The following SLC5A4 variants were observed in gnomAD, a reference collection of about 807,000 sequenced individuals.
SLC5A4 encodes the protein solute carrier family 5 member 4, also known as probable glucose sensor protein SLC5A4.
SLC5A4 carries 55 observed loss-of-function variants against 70.3 expected under a neutral mutation model. The observed-to-expected ratio is 0.78, with a 90% confidence interval of 0.63 to 0.98. The LOEUF is 0.98. SLC5A4 is among the 50% of genes least tolerant of loss of function. SLC5A4 has a pLI of 0.00. For missense variants in SLC5A4, 735 were observed against 839.2 expected (o/e 0.88, Z 1.53); for synonymous variants, 268 against 305.7 (o/e 0.88, Z 1.29).
At chr22:32,255,434 C>T (rs1927429699), upstream of SLC5A4, 2 of 1,273,762 alleles carry the variant, frequency 1.6e-6, no homozygotes, top group Non-Finnish European at 2.2e-6. Context: ...AGAGCCAGCT[C>T]CTGGATATGG....
chr22:32,325,959 G>A, the SLC5A4 span, among the ~76,000 whole-genome samples: 1 of 152,258 alleles, frequency 6.6e-6, no homozygotes, highest in Non-Finnish European at 1.5e-5. Context: ...GAGAGGAGCT[G>A]AGCCTGGAAT....
the SLC5A4 span, among the ~76,000 whole-genome samples, chr22:32,300,321 C>T: frequency 2.0e-5 from 3 of 150,522 alleles, no homozygotes; most frequent in Admixed American, 6.6e-5. Flanking sequence ...ACTCCGTGGG[C>T]GTAGGACCCT....
At chr22:32,307,258 G>T in the SLC5A4 span, among the ~76,000 whole-genome samples, 2 of 152,154 alleles carry the variant, frequency 1.3e-5, no homozygotes, top group Non-Finnish European at 2.9e-5. Context: ...TTTAGGTACA[G>T]AGTAACTAAT....
At chr22:32,322,827 A>G in the SLC5A4 span, among the ~76,000 whole-genome samples, 1 of 152,188 alleles carries the variant, frequency 6.6e-6, no homozygotes, top group Non-Finnish European at 1.5e-5. Flanking sequence ...ATAGAAATAT[A>G]TGTACCAAAA....
At chr22:32,316,656 A>C in the SLC5A4 span, among the ~76,000 whole-genome samples, 1 of 151,742 alleles carries the variant, frequency 6.6e-6, no homozygotes, top group Non-Finnish European at 1.5e-5. Context: ...CAGCCTCCTG[A>C]GTAGCTGGGA....
chr22:32,337,480 G>A, the SLC5A4 span, among the ~76,000 whole-genome samples: 1 of 152,168 alleles, frequency 6.6e-6, no homozygotes. Flanking sequence ...GTTGCAGTGA[G>A]CTGAGATCGC....
At chr22:32,328,492 T>C in the SLC5A4 span, among the ~76,000 whole-genome samples, 9 of 152,300 alleles carry the variant, frequency 5.9e-5, no homozygotes, top group East Asian at 1.2e-3. Flanking sequence ...TCAGCTGTCA[T>C]GCCATGAGCT....
chr22:32,220,522 C>T (rs192330386), intron 14 of SLC5A4, among the ~76,000 whole-genome samples: 3 of 152,022 alleles, frequency 2.0e-5, no homozygotes, highest in Non-Finnish European at 4.4e-5. Flanking sequence ...GGGAGCTTGG[C>T]GCATGTGGAA....
At chr22:32,329,411 G>C in the SLC5A4 span, among the ~76,000 whole-genome samples, 2 of 152,168 alleles carry the variant, frequency 1.3e-5, no homozygotes, top group Admixed American at 1.3e-4. Context: ...TCACAGCGGG[G>C]CCGCGGACAT....
the SLC5A4 span, among the ~76,000 whole-genome samples, chr22:32,325,291 G>A: frequency 2.0e-5 from 3 of 152,248 alleles, no homozygotes; most frequent in Non-Finnish European, 4.4e-5. Flanking sequence ...GCCACACCAG[G>A]ACCCCAAAAC....
the SLC5A4 span, among the ~76,000 whole-genome samples, chr22:32,345,342 C>A: frequency 6.6e-6 from 1 of 152,114 alleles, no homozygotes; most frequent in Non-Finnish European, 1.5e-5. Context: ...AAGATCATTT[C>A]TTTTGATACA....
intron 9 of SLC5A4, among the ~76,000 whole-genome samples, chr22:32,231,404 G>A (rs1925754493): frequency 2.0e-5 from 3 of 152,210 alleles, no homozygotes; most frequent in Admixed American, 2.0e-4. Flanking sequence ...GGAACACAGA[G>A]CTCCGGAGAC....
chr22:32,268,828 G>T, the SLC5A4 span, among the ~76,000 whole-genome samples: 1 of 152,198 alleles, frequency 6.6e-6, no homozygotes, highest in Non-Finnish European at 1.5e-5. Flanking sequence ...CTTAAATGTG[G>T]TTAGTGTCCT....
chr22:32,241,803 G>GTGTGTA (rs1474263077), intron 5 of SLC5A4, among the ~76,000 whole-genome samples: 7,438 of 147,872 alleles, frequency 0.05, 207 homozygotes, highest in Admixed American at 0.067. Flanking sequence ...GTGTGTGTGT[G>GTGTGTA]TATATATATC....
At chr22:32,265,733 G>A in the SLC5A4 span, among the ~76,000 whole-genome samples, 1 of 152,054 alleles carries the variant, frequency 6.6e-6, no homozygotes, top group African/African-American at 2.4e-5. Flanking sequence ...CCAGCTTTGC[G>A]GGAGGGAGAG....
the SLC5A4 span, among the ~76,000 whole-genome samples, chr22:32,306,274 G>A: frequency 6.6e-6 from 1 of 151,950 alleles, no homozygotes; most frequent in East Asian, 1.9e-4. Context: ...GACCATCCTA[G>A]CTAACACGGT....
At chr22:32,339,001 T>C in the SLC5A4 span, among the ~76,000 whole-genome samples, 1 of 152,192 alleles carries the variant, frequency 6.6e-6, no homozygotes, top group East Asian at 1.9e-4. Context: ...AATGCCCCGC[T>C]GTAGGGAAAT....
the SLC5A4 span, among the ~76,000 whole-genome samples, chr22:32,279,916 C>T: frequency 6.6e-6 from 1 of 152,104 alleles, no homozygotes; most frequent in Middle Eastern, 3.2e-3. Context: ...GGGGAGGTGA[C>T]CTGGGGGAGG....
intron 2 of SLC5A4, 137 bp from the exon 3 acceptor site, chr22:32,252,011 C>G (rs550484085): frequency 2.4e-4 from 144 of 607,694 alleles, no homozygotes; most frequent in South Asian, 1.8e-3. Flanking sequence ...GGGTGGATCA[C>G]AAGGTCAGGA....
Sources: allele counts gnomAD v4.1 joint callset (sites outside exome capture counted in the v4.1 genomes callset), GRCh38; gene constraint gnomAD v4.1.1; transcripts MANE v1.5; gene names NCBI Gene and HGNC (gene_info 2026-07-23, HGNC 2026-07-21).